Variants in DPP6 observed in about 807,000 individuals in gnomAD.
DPP6 encodes the protein dipeptidyl peptidase like 6.
In DPP6, 69 loss-of-function variants were observed where a neutral mutation model predicts 122.6. That is an observed-to-expected ratio of 0.56 (90% CI 0.46 to 0.69). The LOEUF is 0.69. Among genes scored for constraint, DPP6 ranks in the 30% least tolerant of loss-of-function variants. The pLI is 0.00. For synonymous variants in DPP6, 418 were observed against 433.1 expected (o/e 0.97, Z 0.43); for missense variants, 928 against 1,116.9 (o/e 0.83, Z 2.41).
chr7:153,845,434 C>G, the DPP6 span, among the ~76,000 whole-genome samples: 1 of 151,872 alleles, frequency 6.6e-6, no homozygotes, highest in East Asian at 1.9e-4. Context: ...TACTGCTAAA[C>G]TTTTGATCAG....
At chr7:154,213,543 C>T (rs1161025767) in intron 1 of DPP6, among the ~76,000 whole-genome samples, 1 of 152,144 alleles carries the variant, frequency 6.6e-6, no homozygotes, top group Non-Finnish European at 1.5e-5. Flanking sequence ...TCATCAGTGC[C>T]CTTGGCAATG....
chr7:154,540,337 A>G (rs1374544458), intron 3 of DPP6, among the ~76,000 whole-genome samples, 195 bp from the exon 4 acceptor site: 2 of 152,140 alleles, frequency 1.3e-5, no homozygotes, highest in East Asian at 3.9e-4. Flanking sequence ...CAATGTGTAA[A>G]GTAGGAGAGA....
intron 1 of DPP6, among the ~76,000 whole-genome samples, chr7:154,187,308 A>G (rs1798397110): frequency 6.6e-6 from 1 of 152,222 alleles, no homozygotes; most frequent in South Asian, 2.1e-4. Context: ...GTTTAAACAA[A>G]CCCAAGACCA....
chr7:153,970,384 A>G (rs1795963639), intron 1 of DPP6, among the ~76,000 whole-genome samples: 1 of 152,182 alleles, frequency 6.6e-6, no homozygotes, highest in Non-Finnish European at 1.5e-5. Context: ...AGATCTCTAA[A>G]TATATACTGT....
chr7:153,945,632 T>C (rs62484202), intron 1 of DPP6, among the ~76,000 whole-genome samples: 22,330 of 152,150 alleles, frequency 0.15, 1,886 homozygotes, highest in African/African-American at 0.23. Context: ...TTTTTTCTTA[T>C]CGTAATTCTC....
Position 154,052,773 on chromosome 7 carries a change from C to A in DPP6, c.-48C>A. 1 of 1,431,510 alleles carries A rather than the reference C, an allele frequency of 7.0e-7. No homozygotes were observed. The highest frequency in any genetic ancestry group is 3.1e-5 in the East Asian group (1 of 32,758). The allele number at this position is 1,431,510 out of a possible 1,614,324, so 88.7% of individuals were successfully genotyped here. The stretch of plus-strand genomic sequence containing the variant: ...TGGGGAGTGGGAACCGGAGAGAAAG[C>A]AAAATATTAAAAAGCCCCAAAGACA... On this transcript the variant is annotated 5_prime_UTR_variant, in exon 1 of 26. Transcript: ENST00000377770. The surrounding 1 kb of genome is among the most constrained non-coding windows in gnomAD (Gnocchi z 4.8).
At chr7:153,804,776 C>T in the DPP6 span, among the ~76,000 whole-genome samples, 2 of 151,788 alleles carry the variant, frequency 1.3e-5, no homozygotes, top group Admixed American at 6.6e-5. Context: ...CCCAGCTACT[C>T]GGGAGGCTGA....
chr7:153,773,020 T>C, the DPP6 span, among the ~76,000 whole-genome samples: 2 of 144,084 alleles, frequency 1.4e-5, no homozygotes, highest in Middle Eastern at 3.8e-3. Flanking sequence ...ATATATTATA[T>C]AATAATATAT....
chr7:153,870,057 T>A, the DPP6 span, among the ~76,000 whole-genome samples: 1 of 152,144 alleles, frequency 6.6e-6, no homozygotes. Flanking sequence ...TGGGTAACCC[T>A]ACCTTTCTCT....
chr7:154,552,907 C>A (rs889061596), intron 4 of DPP6, among the ~76,000 whole-genome samples: 2 of 152,140 alleles, frequency 1.3e-5, no homozygotes, highest in African/African-American at 4.8e-5. Flanking sequence ...AACAGATCAG[C>A]ATTTTTTCAA....
chr7:154,472,530 C>T (rs915033317), intron 2 of DPP6, among the ~76,000 whole-genome samples: 1 of 152,340 alleles, frequency 6.6e-6, no homozygotes, highest in South Asian at 2.1e-4. Flanking sequence ...CCTCTCAGCC[C>T]CGTCCCTGCT....
At chr7:153,759,737 A>G in the DPP6 span, among the ~76,000 whole-genome samples, 1 of 152,232 alleles carries the variant, frequency 6.6e-6, no homozygotes, top group South Asian at 2.1e-4. Flanking sequence ...AATGGATCAT[A>G]AATAAAAATG....
At chr7:154,494,812 G>A (rs575033483) in intron 3 of DPP6, among the ~76,000 whole-genome samples, 67 of 152,058 alleles carry the variant, frequency 4.4e-4, no homozygotes, top group African/African-American at 1.7e-4. Flanking sequence ...GTTAATAATT[G>A]AAAAAATGGT....
At chr7:154,415,316 C>A (rs1211156645) in intron 1 of DPP6, among the ~76,000 whole-genome samples, 1 of 152,128 alleles carries the variant, frequency 6.6e-6, no homozygotes, top group East Asian at 1.9e-4. Flanking sequence ...CAGAGATTCC[C>A]TAATGACCAC....
At chr7:154,338,127 C>T (rs1401400053) in intron 1 of DPP6, among the ~76,000 whole-genome samples, 1 of 152,016 alleles carries the variant, frequency 6.6e-6, no homozygotes, top group African/African-American at 2.4e-5. Flanking sequence ...ACCAAGATGT[C>T]ACAGTTTGGG....
At chr7:154,079,081 A>T (rs990384066) in intron 1 of DPP6, among the ~76,000 whole-genome samples, 2 of 152,020 alleles carry the variant, frequency 1.3e-5, no homozygotes, top group Non-Finnish European at 2.9e-5. Flanking sequence ...ACATGGTGAA[A>T]CCCTGTCTCT....
intron 1 of DPP6, among the ~76,000 whole-genome samples, chr7:154,043,437 A>G (rs1322912874): frequency 9.1e-6 from 1 of 109,482 alleles, no homozygotes; most frequent in Non-Finnish European, 1.8e-5. Context: ...AAAAAAAAAA[A>G]GGACCTATTC....
intron 1 of DPP6, among the ~76,000 whole-genome samples, chr7:154,152,456 C>A (rs1389736453): frequency 5.3e-5 from 8 of 152,212 alleles, no homozygotes; most frequent in Non-Finnish European, 1.0e-4. Flanking sequence ...CAATCCATAA[C>A]CTTGGTATTC....
chr7:154,435,453 T>C (rs1260285996), intron 1 of DPP6, among the ~76,000 whole-genome samples: 1 of 152,130 alleles, frequency 6.6e-6, no homozygotes, highest in Non-Finnish European at 1.5e-5. Flanking sequence ...AGTCCTGCAT[T>C]TTCCTCCATC....
Sources: gnomAD v4.1 joint callset for allele counts (sites outside exome capture counted in the v4.1 genomes callset) on GRCh38, gnomAD v4.1.1 for gene constraint, Gnocchi (gnomAD v3.1) non-coding constraint, MANE v1.5 for transcripts, NCBI Gene and HGNC (gene_info 2026-07-23, HGNC 2026-07-21) for gene names.